Variants in OPCML observed in about 807,000 individuals in gnomAD.
OPCML encodes the protein opioid-binding protein/cell adhesion molecule.
In OPCML, 13 loss-of-function variants were observed where a neutral mutation model predicts 37.8. The observed-to-expected ratio is 0.34, with a 90% CI of 0.22 to 0.55. The LOEUF is 0.55. Ranked by LOEUF, OPCML falls within the 20% of genes least tolerant of loss-of-function variation. OPCML has a pLI of 0.91. For synonymous variants in OPCML, 176 were observed against 168.8 expected (o/e 1.04, Z -0.33); for missense variants, 341 against 435.6 (o/e 0.78, Z 1.93).
At chr11:132,725,663 C>T (rs951192704) in intron 2 of OPCML, among the ~76,000 whole-genome samples, 4 of 151,746 alleles carry the variant, frequency 2.6e-5, no homozygotes, top group African/African-American at 9.7e-5. Context: ...AACTGAATGC[C>T]TTTAACAGCA....
intron 1 of OPCML, among the ~76,000 whole-genome samples, chr11:133,255,822 C>T (rs562125677): frequency 6.6e-6 from 1 of 152,040 alleles, no homozygotes; most frequent in African/African-American, 2.4e-5. Flanking sequence ...AGAAAGGATA[C>T]TTTCAATGTA....
chr11:133,070,554 C>G (rs1285431150), intron 1 of OPCML, among the ~76,000 whole-genome samples: 3 of 152,136 alleles, frequency 2.0e-5, no homozygotes, highest in South Asian at 4.1e-4. Flanking sequence ...AGCCCTCACT[C>G]CCTACTTTCA....
At chr11:133,245,516 A>G (rs1317906750) in intron 1 of OPCML, among the ~76,000 whole-genome samples, 2 of 152,172 alleles carry the variant, frequency 1.3e-5, no homozygotes, top group Admixed American at 6.5e-5. Context: ...CAAAGCAGCC[A>G]TTAGGTCCCA....
chr11:133,152,872 A>G (rs1409308161), intron 1 of OPCML, among the ~76,000 whole-genome samples: 1 of 122,528 alleles, frequency 8.2e-6, no homozygotes, highest in Non-Finnish European at 1.6e-5. Flanking sequence ...AAGTCAGGTT[A>G]TCCTTTTTTT....
chr11:133,487,333 T>C (rs948668476), intron 1 of OPCML, among the ~76,000 whole-genome samples: 1 of 152,086 alleles, frequency 6.6e-6, no homozygotes, highest in Non-Finnish European at 1.5e-5. Flanking sequence ...TCTTTTGAAA[T>C]AGACAGTGTA....
chr11:132,731,963 T>C (rs1479850188), intron 2 of OPCML, among the ~76,000 whole-genome samples: 1 of 152,112 alleles, frequency 6.6e-6, no homozygotes, highest in East Asian at 1.9e-4. Context: ...TTATATACCA[T>C]ACGTACTAAG....
intron 1 of OPCML, among the ~76,000 whole-genome samples, chr11:133,163,665 A>G (rs1950173193): frequency 6.6e-6 from 1 of 152,160 alleles, no homozygotes; most frequent in Non-Finnish European, 1.5e-5. Context: ...TTTTTCTCCA[A>G]ACATTTCAGT....
intron 2 of OPCML, among the ~76,000 whole-genome samples, chr11:132,693,776 G>T (rs1462521243): frequency 6.6e-6 from 1 of 152,042 alleles, no homozygotes; most frequent in Non-Finnish European, 1.5e-5. Context: ...TGCTATAATT[G>T]GTTTTCATTT....
chr11:132,615,072 A>G (rs1328876038), intron 3 of OPCML, among the ~76,000 whole-genome samples: 1 of 152,210 alleles, frequency 6.6e-6, no homozygotes, highest in Non-Finnish European at 1.5e-5. Context: ...AATGAGAAAA[A>G]CAGTCTTTGA....
chr11:133,510,298 T>C (rs1487643025), intron 1 of OPCML, among the ~76,000 whole-genome samples: 1 of 152,212 alleles, frequency 6.6e-6, no homozygotes, highest in Non-Finnish European at 1.5e-5. Flanking sequence ...TCCTGCAAGA[T>C]GGAAGAGGGT....
At chr11:132,827,187 T>C (rs182821307) in intron 2 of OPCML, among the ~76,000 whole-genome samples, 321 of 152,268 alleles carry the variant, frequency 2.1e-3, no homozygotes, top group African/African-American at 7.4e-3. Flanking sequence ...ATATATCTCA[T>C]AACAGATACA....
At chr11:132,644,743 C>A (rs1340360312) in intron 3 of OPCML, among the ~76,000 whole-genome samples, 1 of 152,130 alleles carries the variant, frequency 6.6e-6, no homozygotes, top group Non-Finnish European at 1.5e-5. Context: ...AAACTGTTAA[C>A]CGTGGTAATG....
At chr11:133,529,272 C>T (rs1460031664) in intron 1 of OPCML, among the ~76,000 whole-genome samples, 3 of 152,202 alleles carry the variant, frequency 2.0e-5, no homozygotes, top group African/African-American at 7.2e-5. Context: ...CCTCTCTCCT[C>T]CTAGGTGATT....
chr11:132,549,475 T>A (rs571916898), intron 3 of OPCML, among the ~76,000 whole-genome samples: 5 of 152,388 alleles, frequency 3.3e-5, no homozygotes, highest in East Asian at 1.9e-4. Context: ...GTCACTCTTT[T>A]ATTCCTTTAC....
At chr11:133,405,746 C>T (rs1350427601) in intron 1 of OPCML, among the ~76,000 whole-genome samples, 2 of 152,156 alleles carry the variant, frequency 1.3e-5, no homozygotes, top group African/African-American at 4.8e-5. Flanking sequence ...ATCTTCTGAG[C>T]CTTCCTGATC....
chr11:133,182,794 G>A (rs1050507976), intron 1 of OPCML, among the ~76,000 whole-genome samples: 1 of 152,184 alleles, frequency 6.6e-6, no homozygotes. Flanking sequence ...CCAGGAACGC[G>A]GTGGTGCTGA....
chr11:133,423,442 G>A (rs955585983), intron 1 of OPCML: 80 of 985,266 alleles, frequency 8.1e-5, no homozygotes, highest in Non-Finnish European at 8.8e-5. Flanking sequence ...TGCATCTGCA[G>A]GCAAATCACT....
intron 2 of OPCML, among the ~76,000 whole-genome samples, chr11:132,818,607 A>AC (rs1334086845): frequency 1.1e-5 from 1 of 95,042 alleles, no homozygotes; most frequent in African/African-American, 3.5e-5. Context: ...AGATAGATAG[A>AC]TGATAGATAG....
chr11:132,741,120 G>T (rs950360968), intron 2 of OPCML, among the ~76,000 whole-genome samples: 2 of 152,096 alleles, frequency 1.3e-5, no homozygotes, highest in Admixed American at 1.3e-4. Flanking sequence ...GGAAGCCTCT[G>T]CTATTTGAAA....
Sources: gnomAD v4.1 joint callset for allele counts (sites outside exome capture counted in the v4.1 genomes callset) on GRCh38, gnomAD v4.1.1 for gene constraint, MANE v1.5 for transcripts, NCBI Gene and HGNC (gene_info 2026-07-23, HGNC 2026-07-21) for gene names.